Variants in LRP1B observed in about 807,000 individuals in gnomAD.
The protein encoded by LRP1B is LDL receptor related protein 1B.
Under a neutral mutation model 556.6 loss-of-function variants are expected in LRP1B, and 217 were observed. The ratio of observed to expected loss-of-function variants is 0.39; its 90% CI spans 0.35 to 0.44. The LOEUF (loss-of-function observed/expected upper bound fraction) is 0.44, where lower values mean the gene tolerates loss of function less well. Ranked by LOEUF, LRP1B falls within the 20% of genes least tolerant of loss-of-function variation. The pLI is 1.00. For missense variants in LRP1B, 5,053 were observed against 5,620.8 expected (o/e 0.90, Z 3.23); for synonymous variants, 2,047 against 1,865.8 (o/e 1.10, Z -2.50).
chr2:141,939,305 C>A (rs1369633881), intron 1 of LRP1B, among the ~76,000 whole-genome samples: 1 of 151,848 alleles, frequency 6.6e-6, no homozygotes, highest in Admixed American at 6.6e-5. Flanking sequence ...ATGGCAAAGG[C>A]ATAAATATGT....
At chr2:141,708,422 T>C (rs1477786708) in intron 2 of LRP1B, among the ~76,000 whole-genome samples, 1 of 151,608 alleles carries the variant, frequency 6.6e-6, no homozygotes, top group Non-Finnish European at 1.5e-5. Context: ...GAATAGGAGG[T>C]CTTGAGAGCA....
chr2:140,324,922 A>T, intron 80 of LRP1B, among the ~76,000 whole-genome samples: 1 of 150,016 alleles, frequency 6.7e-6, no homozygotes. Flanking sequence ...AAACACACAC[A>T]CTTTAGGCAA....
intron 7 of LRP1B, among the ~76,000 whole-genome samples, chr2:141,098,030 C>T (rs1307275308): frequency 1.3e-5 from 2 of 152,142 alleles, no homozygotes; most frequent in Non-Finnish European, 2.9e-5. Flanking sequence ...GTTAAGCCTT[C>T]CTTTCTCCAA....
At chr2:141,785,742 G>A (rs996050484) in intron 2 of LRP1B, among the ~76,000 whole-genome samples, 2 of 151,258 alleles carry the variant, frequency 1.3e-5, no homozygotes, top group South Asian at 4.2e-4. Flanking sequence ...TCTTGGAACT[G>A]ATAGAGTCCA....
chr2:140,502,855 C>A (rs1220000953), intron 54 of LRP1B, 108 bp downstream of exon 54: 2 of 1,082,306 alleles, frequency 1.8e-6, no homozygotes, highest in Non-Finnish European at 2.7e-6. Context: ...ACATCACATG[C>A]TTAATAATTT....
At chr2:141,221,901 C>T (rs1683057939) in intron 6 of LRP1B, among the ~76,000 whole-genome samples, 1 of 152,068 alleles carries the variant, frequency 6.6e-6, no homozygotes, top group Admixed American at 6.6e-5. Context: ...GACAACATAC[C>T]AGAATCTCTG....
At chr2:141,342,146 A>G (rs1688086366) in intron 3 of LRP1B, among the ~76,000 whole-genome samples, 1 of 151,362 alleles carries the variant, frequency 6.6e-6, no homozygotes, top group Admixed American at 6.6e-5. Context: ...TGGGAGGCTG[A>G]GGCAGGAGAA....
chr2:141,948,370 T>C (rs1701014603), intron 1 of LRP1B, among the ~76,000 whole-genome samples: 1 of 151,958 alleles, frequency 6.6e-6, no homozygotes, highest in South Asian at 2.1e-4. Context: ...TGAGTATAAA[T>C]GATTGGCATA....
chr2:141,496,083 T>A (rs1683497983), intron 2 of LRP1B, among the ~76,000 whole-genome samples: 1 of 152,112 alleles, frequency 6.6e-6, no homozygotes, highest in African/African-American at 2.4e-5. Flanking sequence ...AAAATTATTC[T>A]AGAATAATGT....
intron 66 of LRP1B, among the ~76,000 whole-genome samples, chr2:140,422,308 A>G (rs898421042): frequency 3.0e-4 from 45 of 152,344 alleles, no homozygotes; most frequent in Non-Finnish European, 1.3e-4. Flanking sequence ...AGATGGTGTC[A>G]TAGAAGTTGG....
Position 140,297,854 on chromosome 2 carries a change from A to C in LRP1B, c.12921T>G (p.Pro4307=). 6.2e-7 allele frequency: 1 copy of C among 1,614,032 alleles called. No homozygotes were observed. The highest frequency in any genetic ancestry group is 8.5e-7 in the Non-Finnish European group (1 of 1,179,936). Reference sequence around the variant, plus strand: ...TGTATTCCGGCTGGCAGTGGCAGTAAGGCTGGTTTCCAGCAGTCACAATGC... The same window carrying C: ...TGTATTCCGGCTGGCAGTGGCAGTACGGCTGGTTTCCAGCAGTCACAATGC... ...GTCIVTAGNQ[P]YCHCQPEYTG... The change falls in exon 84 of 91, where the codon CCT becomes CCG. Residue 4307 remains proline, a synonymous_variant. Coordinates refer to ENST00000389484, the MANE Select transcript of LRP1B (RefSeq NM_018557.3).
intron 1 of LRP1B, among the ~76,000 whole-genome samples, chr2:141,890,895 A>C (rs950609185): frequency 5.3e-5 from 8 of 152,132 alleles, no homozygotes; most frequent in African/African-American, 1.9e-4. Flanking sequence ...GCATTATTAC[A>C]AAATGCTGGC....
At chr2:141,128,338 G>A (rs1417925450) in intron 7 of LRP1B, among the ~76,000 whole-genome samples, 6 of 152,106 alleles carry the variant, frequency 3.9e-5, no homozygotes, top group Admixed American at 2.0e-4. Context: ...CAGATAGTTC[G>A]AGACACACTG....
intron 83 of LRP1B, among the ~76,000 whole-genome samples, chr2:140,313,460 G>A (rs1188733656): frequency 2.6e-5 from 4 of 151,938 alleles, no homozygotes; most frequent in Middle Eastern, 3.4e-3. Context: ...GTTTTGTAGA[G>A]ATTTATCCCT....
intron 32 of LRP1B, among the ~76,000 whole-genome samples, chr2:140,778,965 G>C (rs936924279): frequency 5.9e-5 from 9 of 151,472 alleles, no homozygotes; most frequent in Non-Finnish European, 1.3e-4. Context: ...TGTTTATTTT[G>C]TAATGTTTAA....
At chr2:140,415,364 C>T (rs1685147093) in intron 66 of LRP1B, among the ~76,000 whole-genome samples, 1 of 152,110 alleles carries the variant, frequency 6.6e-6, no homozygotes, top group African/African-American at 2.4e-5. Context: ...GCTTTTTGCC[C>T]TTTGAAGCAT....
intron 2 of LRP1B, among the ~76,000 whole-genome samples, chr2:141,569,867 T>C (rs898040389): frequency 6.6e-6 from 1 of 151,104 alleles, no homozygotes; most frequent in Non-Finnish European, 1.5e-5. Flanking sequence ...GTGAGAAAAA[T>C]TGAGAACACA....
chr2:140,798,021 T>G (rs1010305236), intron 32 of LRP1B, among the ~76,000 whole-genome samples: 7 of 152,110 alleles, frequency 4.6e-5, no homozygotes, highest in Admixed American at 4.6e-4. Flanking sequence ...TCCTTCCTCC[T>G]AACCCAACTC....
At chr2:140,851,425 TAACA>T (rs1266808973) in intron 28 of LRP1B, among the ~76,000 whole-genome samples, 2 of 152,074 alleles carry the variant, frequency 1.3e-5, no homozygotes, top group Non-Finnish European at 2.9e-5. Context: ...ATCAATAAGG[TAACA>T]AATAACAAAG....
Sources: allele counts gnomAD v4.1 joint callset (sites outside exome capture counted in the v4.1 genomes callset), GRCh38; gene constraint gnomAD v4.1.1; transcripts MANE v1.5; gene names NCBI Gene and HGNC (gene_info 2026-07-23, HGNC 2026-07-21).